The following MYBL2 variants were observed in gnomAD, a reference collection of about 807,000 sequenced individuals.
MYBL2 encodes the protein myb-related protein B.
A neutral mutation model predicts 79.9 loss-of-function variants in MYBL2; 28 were observed. The observed-to-expected ratio is 0.35, with a 90% CI of 0.26 to 0.48. The LOEUF (loss-of-function observed/expected upper bound fraction) is 0.48, where lower values mean the gene tolerates loss of function less well. Among genes scored for constraint, MYBL2 ranks in the 20% least tolerant of loss-of-function variants. The pLI is 0.99. For missense variants in MYBL2, 735 were observed against 893.9 expected, an observed-to-expected ratio of 0.82 and a Z score of 2.27; for synonymous variants, 378 against 361.2, an observed-to-expected ratio of 1.05 and a Z score of -0.53.
rs551519771 is a variant in MYBL2, at chr20:43,715,116, A to T, written c.1825-18A>T. 9 of 1,613,118 alleles carry T rather than the reference A, an allele frequency of 5.6e-6. No individual in the cohort carries two copies. The South Asian group carries it at 8.8e-5, about 16-fold the overall frequency. ...CTTCTCGCAAAATGGTGACTCCTTG[A>T]CTTGGTTTTGGTTTCAGCCGACAAC... is the stretch of plus-strand genomic sequence containing the variant. On this transcript the variant is annotated intron_variant, in intron 12 of 13. Transcript: ENST00000217026.
chr20:43,690,951 T>G (rs1449942108), intron 5 of MYBL2, among the ~76,000 whole-genome samples: 2 of 152,222 alleles, frequency 1.3e-5, no homozygotes, highest in African/African-American at 2.4e-5. Context: ...TCTGTATTAC[T>G]CTATGCCTTT....
Position 43,681,809 on chromosome 20 carries a change from G to T in MYBL2, c.140G>T (p.Arg47Met). 5 of 1,614,212 alleles carry T rather than the reference G, an allele frequency of 3.1e-6. No homozygotes were observed. The highest frequency in any genetic ancestry group is 4.2e-6 in the Non-Finnish European group (5 of 1,180,036). Residue 47 changes from arginine to methionine, a missense_variant, in exon 3 of 14, where the codon AGG becomes ATG. This residue lies in a region of MYBL2 where 79 missense variants were observed against 86.7 expected (regional missense o/e 0.91). Transcript: ENST00000217026. ...EEDEQLRALV[R>M]QFGQQDWKFL... is the part of the protein sequence containing the mutation. The stretch of plus-strand genomic sequence containing the variant: ...GACGAGCAGCTGAGGGCCCTGGTGA[G>T]GCAGTTTGGACAGCAGGACTGGAAG...
chr20:43,708,591 G>A (rs898505312), intron 9 of MYBL2, among the ~76,000 whole-genome samples: 2 of 152,072 alleles, frequency 1.3e-5, no homozygotes, highest in South Asian at 2.1e-4. Flanking sequence ...ACCATGGCTG[G>A]CTGATTTTTT....
At chr20:43,690,887 C>T (rs961732484) in intron 5 of MYBL2, among the ~76,000 whole-genome samples, 5 of 152,098 alleles carry the variant, frequency 3.3e-5, no homozygotes, top group East Asian at 1.9e-4. Flanking sequence ...CCTGACCTGC[C>T]GCTTGCTTCT....
In MYBL2 at chr20:43,702,614, G is replaced by A. The variant is rs755874265; in HGVS notation, c.1076G>A (p.Arg359His). Residue 359 changes from arginine to histidine, a missense_variant, in exon 8 of 14, where the codon CGC becomes CAC. Coordinates refer to ENST00000217026, the MANE Select transcript of MYBL2 (RefSeq NM_002466.4). ...ASHQQQVLPP[R>H]QPSALVPSVT... is the part of the protein sequence containing the mutation. ...CATCAGCAGCAAGTCCTGCCACCCCGCCAGCCTTCCGCCCTGGTGCCCAGT... is the reference window on the plus strand; with the variant it reads ...CATCAGCAGCAAGTCCTGCCACCCCACCAGCCTTCCGCCCTGGTGCCCAGT... 6.2e-6 allele frequency: 10 copies of A among 1,614,050 alleles called. No homozygotes were observed. In the East Asian group the frequency reaches 1.6e-4, roughly 25 times the overall value.
At chr20:43,685,343 G>A (rs1325779078) in intron 4 of MYBL2, among the ~76,000 whole-genome samples, 1 of 151,194 alleles carries the variant, frequency 6.6e-6, no homozygotes, top group Non-Finnish European at 1.5e-5. Context: ...ACCACGCCTG[G>A]CTGATTTTTG....
chr20:43,667,248 C>CGGGCGGGCGAGCGCG lies in MYBL2; in HGVS notation c.-34_-20dup. On this transcript the variant is annotated 5_prime_UTR_variant, in exon 1 of 14. Transcript: ENST00000217026. The stretch of plus-strand genomic sequence containing the variant: ...CGGCTCCCGCTCCGGGCTCTGCCGG[C>CGGGCGGGCGAGCGCG]GGGCGGGCGAGCGCGGCGCGGTCCG... 1.6e-6 allele frequency: 2 copies of CGGGCGGGCGAGCGCG among 1,212,550 alleles called. No homozygotes were observed. Among genetic ancestry groups the CGGGCGGGCGAGCGCG allele is most frequent in the East Asian group, 6.6e-5 (2 of 30,300 alleles). 75.1% of individuals were successfully genotyped at this position (1,212,550 alleles called of 1,614,324 possible). A position where few individuals can be genotyped will look rare whatever the true frequency, so the allele number is the denominator to read the frequency against.
Position 43,713,093 on chromosome 20 carries a change from A to G in MYBL2, c.1811A>G (p.Lys604Arg), listed in dbSNP as rs1987949047. 1 of 1,612,436 alleles carries G rather than the reference A, an allele frequency of 6.2e-7. No homozygotes were observed. The highest frequency in any genetic ancestry group is 8.5e-7 in the Non-Finnish European group (1 of 1,179,270). The change falls in exon 12 of 14, where the codon AAG becomes AGG. Residue 604 changes from lysine (K) to arginine (R), a missense_variant. Coordinates refer to ENST00000217026, the MANE Select transcript of MYBL2 (RefSeq NM_002466.4). ...DVKLMMSTLP[K>R]SLSLPTTAPS... ...AAGCTGATGATGTCCACACTGCCCA[A>G]GTCTCTATCCTTGGTAAGGCTTCTG...
intron 11 of MYBL2, among the ~76,000 whole-genome samples, chr20:43,712,065 C>T (rs899341680): frequency 4.6e-5 from 7 of 150,804 alleles, no homozygotes; most frequent in African/African-American, 1.5e-4. Flanking sequence ...CAGTGCCTGG[C>T]TGAGTGTCAA....
rs752322733 is a variant in MYBL2, at chr20:43,699,912, C to T, written c.819C>T (p.Phe273=). The part of the protein sequence containing the change: ...AVRTPEPLEE[F]PKREDQEGSP... ...GAACACCAGAGCCCTTGGAGGAATT[C>T]CCGAAGCGTGAGGACCAGGAAGGCT... The change falls in exon 7 of 14, where the codon TTC becomes TTT. Residue 273 remains phenylalanine (F), a synonymous_variant. Transcript: ENST00000217026. The T allele has an allele frequency of 1.9e-6, 3 of 1,613,960 alleles. No homozygotes were observed. Among genetic ancestry groups the T allele is most frequent in the African/African-American group, 2.7e-5 (2 of 74,908 alleles).
intron 2 of MYBL2, among the ~76,000 whole-genome samples, chr20:43,674,532 C>A (rs983670009): frequency 1.3e-5 from 2 of 152,004 alleles, no homozygotes; most frequent in African/African-American, 2.4e-5. Context: ...GGATTGCAGG[C>A]ATGCGCCACC....
chr20:43,675,616 T>C (rs1986987504), intron 2 of MYBL2, among the ~76,000 whole-genome samples: 1 of 152,052 alleles, frequency 6.6e-6, no homozygotes, highest in South Asian at 2.1e-4. Context: ...GTGAGCCGGT[T>C]TGATCACTTT....
chr20:43,694,036 A>C (rs949162040), intron 6 of MYBL2, among the ~76,000 whole-genome samples: 2 of 151,976 alleles, frequency 1.3e-5, no homozygotes, highest in Non-Finnish European at 2.9e-5. Context: ...TTTATAAATA[A>C]AATAAAAATT....
At chr20:43,715,052 C>A in intron 12 of MYBL2, 82 bp from the exon 13 acceptor site, 1 of 1,531,276 alleles carries the variant, frequency 6.5e-7, no homozygotes, top group Non-Finnish European at 9.0e-7. Context: ...GGTGGTGGTG[C>A]TGGGGTGGGA....
Position 43,711,542 on chromosome 20 carries a change from G to A in MYBL2, c.1660G>A (p.Gly554Ser). 6.2e-7 allele frequency: 1 copy of A among 1,613,746 alleles called. No individual in the cohort carries two copies. Among genetic ancestry groups the A allele is most frequent in the Non-Finnish European group, 8.5e-7 (1 of 1,179,892 alleles). ...GAAGGAGGTGCTGCGTTCTGAGGCT[G>A]GCATCGAACTCATCATCGAGGACGA... is the stretch of plus-strand genomic sequence containing the variant. ...DLKEVLRSEA[G>S]IELIIEDDIR... is the part of the protein sequence containing the mutation. Residue 554 changes from glycine (G) to serine (S), a missense_variant, in exon 11 of 14, where the codon GGC (glycine) becomes AGC (serine). By Grantham distance (56) the Gly-to-Ser change is moderately conservative. Transcript: ENST00000217026.
Position 43,687,091 on chromosome 20 carries a change from G to A in MYBL2, c.500+19G>A. ...CAGGGAGGTAAGCTGTCTTCTTGGG[G>A]GTTGGGACAGGTTCCCGGGAGGCCA... On this transcript the variant is annotated intron_variant, in intron 5 of 13. Transcript: ENST00000217026. The A allele has an allele frequency of 6.2e-7, 1 of 1,607,830 alleles. No homozygotes were observed.
At chr20:43,669,126 A>G (rs1986798708) in intron 1 of MYBL2, among the ~76,000 whole-genome samples, 1 of 152,230 alleles carries the variant, frequency 6.6e-6, no homozygotes, top group South Asian at 2.1e-4. Flanking sequence ...GGCGTGAGCC[A>G]CCGCGTCTGG....
chr20:43,716,306 C>A lies in MYBL2; in HGVS notation c.*219C>A. The A allele has an allele frequency of 3.1e-6, 2 of 641,130 alleles. No homozygotes were observed. The highest frequency in any genetic ancestry group is 5.0e-6 in the Non-Finnish European group (2 of 396,622). 39.7% of individuals were successfully genotyped at this position (641,130 alleles called of 1,614,324 possible). A position where few individuals can be genotyped will look rare whatever the true frequency, so the allele number is the denominator to read the frequency against. On this transcript the variant is annotated 3_prime_UTR_variant, in exon 14 of 14. Transcript: ENST00000217026. ...GGTGCTAACAACAAAGTTCCACTTCCAGGTCTGCCTGGTTCCCTCCCCAAG... is the reference window on the plus strand; with the variant it reads ...GGTGCTAACAACAAAGTTCCACTTCAAGGTCTGCCTGGTTCCCTCCCCAAG...
intron 10 of MYBL2, 46 bp from the exon 11 acceptor site, chr20:43,711,442 G>A (rs1458834636): frequency 2.0e-6 from 3 of 1,495,984 alleles, no homozygotes; most frequent in Middle Eastern, 1.8e-4. Flanking sequence ...CACACACACA[G>A]CCCGAGTGTG....
Sources: gnomAD v4.1 joint callset for allele counts (sites outside exome capture counted in the v4.1 genomes callset) on GRCh38, gnomAD v4.1.1 for gene constraint, gnomAD v4.1.1 regional missense constraint, MANE v1.5 for transcripts, NCBI Gene and HGNC (gene_info 2026-07-23, HGNC 2026-07-21) for gene names.